DOT1L: variants seen among roughly 807,000 people sequenced by gnomAD.
DOT1L encodes histone-lysine N-methyltransferase, H3 lysine-79 specific.
DOT1L carries 33 observed loss-of-function variants against 153.3 expected under a neutral mutation model. The ratio of observed to expected loss-of-function variants is 0.22; its 90% confidence interval spans 0.16 to 0.29. The LOEUF is 0.29. DOT1L is among the 10% of genes least tolerant of loss of function. The pLI, the probability that DOT1L is intolerant of heterozygous loss-of-function variation, is 1.00. For missense variants in DOT1L, 1,847 were observed against 2,119.9 expected (o/e 0.87, Z 2.53); for synonymous variants, 1,135 against 965.1 (o/e 1.18, Z -3.26).
At chr19:2,209,093 C>T (rs1313977769) in intron 12 of DOT1L, 117 bp downstream of exon 12, 1 of 1,200,034 alleles carries the variant, frequency 8.3e-7, no homozygotes, top group East Asian at 2.6e-5. Flanking sequence ...CCTGCCGCCC[C>T]TCGGGGCCCG....
At chr19:2,216,082 T>C (rs2023885989) in intron 19 of DOT1L, 199 bp from the exon 20 acceptor site, 2 of 641,226 alleles carry the variant, frequency 3.1e-6, no homozygotes, top group South Asian at 2.3e-5. Flanking sequence ...GCAAAAACCA[T>C]CCTCGGCCCT....
chr19:2,211,199 G>A lies in DOT1L; in HGVS notation c.1452G>A (p.Leu484=), dbSNP rs748466017. 1.2e-6 allele frequency: 2 copies of A among 1,609,432 alleles called. No individual in the cohort carries two copies. Among genetic ancestry groups the A allele is most frequent in the East Asian group, 2.2e-5 (1 of 44,834 alleles). ...TGGTGGCGCCCACCCCGCCCGCGCTGCAGAAGCTTCTAGGTGAGCCCGTGT... is the reference window on the plus strand; with the variant it reads ...TGGTGGCGCCCACCCCGCCCGCGCTACAGAAGCTTCTAGGTGAGCCCGTGT... ...PLLVAPTPPA[L]QKLLESFKIQ... is the part of the protein sequence containing the mutation. The change falls in exon 15 of 28, where the codon CTG becomes CTA. Residue 484 remains leucine (L), a synonymous_variant. Coordinates refer to ENST00000398665, the MANE Select transcript of DOT1L (RefSeq NM_032482.3).
chr19:2,167,647 C>T (rs766228009), intron 1 of DOT1L, among the ~76,000 whole-genome samples: 1 of 152,210 alleles, frequency 6.6e-6, no homozygotes, highest in African/African-American at 2.4e-5. Flanking sequence ...ACAACCTCGC[C>T]GTGACATTTG....
intron 19 of DOT1L, 158 bp downstream of exon 19, chr19:2,214,754 C>T (rs1290438925): frequency 3.5e-6 from 4 of 1,128,788 alleles, no homozygotes; most frequent in Non-Finnish European, 4.8e-6. Context: ...CTGTCTTGGG[C>T]CGCAGGCTGC....
In DOT1L at chr19:2,179,075, G is replaced by T. The variant is rs997841216; in HGVS notation, c.82-1638G>T. Among the ~76,000 whole-genome samples the T allele has an allele frequency of 9.9e-5, 15 of 151,318 alleles. 1 individual carries two copies. The highest frequency in any genetic ancestry group is 1.8e-4 in the Non-Finnish European group (12 of 67,694). On this transcript the variant is annotated intron_variant, in intron 1 of 27. Coordinates refer to ENST00000398665, the MANE Select transcript of DOT1L (RefSeq NM_032482.3). ...ATCCCTCAGTGCATAAGGAAAGCTG[G>T]GGGGGGGTCTCCTATGGTCTGGCCT...
At chr19:2,229,346 C>T (rs2024502219) in intron 27 of DOT1L, 1 of 985,468 alleles carries the variant, frequency 1.0e-6, no homozygotes, top group African/African-American at 1.7e-5. Context: ...GCCCCTGGGA[C>T]ACAGGCCTTC....
chr19:2,166,137 C>T (rs1480724420), intron 1 of DOT1L, among the ~76,000 whole-genome samples: 7 of 151,724 alleles, frequency 4.6e-5, no homozygotes, highest in Non-Finnish European at 8.8e-5. Flanking sequence ...GCTCTTGTTG[C>T]CCAGGCTGGA....
chr19:2,222,035 C>G lies in DOT1L; in HGVS notation c.2866C>G (p.Leu956Val). 6.2e-7 allele frequency: 1 copy of G among 1,612,846 alleles called. No individual in the cohort carries two copies. The highest frequency in any genetic ancestry group is 8.5e-7 in the Non-Finnish European group (1 of 1,179,796). The change falls in exon 24 of 28, where the codon CTC becomes GTC. Residue 956 changes from leucine to valine, a missense_variant. Around this residue, in one of 8 missense-constraint regions of DOT1L, gnomAD observed 934 missense variants for 825.3 expected, o/e 1.13. Transcript: ENST00000398665. This position sits in a 1 kb window ranked among gnomAD's most constrained non-coding sequence, Gnocchi z 6.5. ...SGALAGSPAS[L>V]TPGAEPATLD... The stretch of plus-strand genomic sequence containing the variant: ...GGCCTTGGCGGGCAGCCCGGCCTCT[C>G]TCACACCTGGAGCCGAGCCGGCCAC...
In DOT1L at chr19:2,214,434, C is replaced by G. The variant is rs764824312; in HGVS notation, c.1798-37C>G. 1.9e-6 allele frequency: 3 copies of G among 1,603,966 alleles called. No homozygotes were observed. The South Asian group carries it at 3.3e-5, about 18-fold the overall frequency. Reference sequence around the variant, plus strand: ...AGTGTGGGGTGTGCTGGGCAGGCAGCCAGCCAGTCGCAACTGTCCCATCCC... The same window carrying G: ...AGTGTGGGGTGTGCTGGGCAGGCAGGCAGCCAGTCGCAACTGTCCCATCCC... On this transcript the variant is annotated intron_variant, in intron 18 of 27. Transcript: ENST00000398665.
At chr19:2,186,470 A>T (rs1599553471) in intron 3 of DOT1L, among the ~76,000 whole-genome samples, 1 of 149,818 alleles carries the variant, frequency 6.7e-6, no homozygotes, top group Non-Finnish European at 1.5e-5. Context: ...CAAGGAAGAC[A>T]TTCCAGGCTC....
At chr19:2,175,430 T>C (rs1325746457) in intron 1 of DOT1L, among the ~76,000 whole-genome samples, 1 of 152,250 alleles carries the variant, frequency 6.6e-6, no homozygotes, top group African/African-American at 2.4e-5. Flanking sequence ...CCTCCTAAGT[T>C]GCTGGGACCC....
intron 9 of DOT1L, among the ~76,000 whole-genome samples, chr19:2,205,679 C>T (rs1339276562): frequency 6.6e-6 from 1 of 152,038 alleles, no homozygotes; most frequent in Non-Finnish European, 1.5e-5. Flanking sequence ...CTTCCTGCCT[C>T]TCAAACCTTA....
At chr19:2,223,616 AG>A (rs1431504344) in intron 25 of DOT1L, 130 bp downstream of exon 25, 1 of 1,102,754 alleles carries the variant, frequency 9.1e-7, no homozygotes, top group East Asian at 2.6e-5. Context: ...GATGGGAGGA[AG>A]GCGTCTGTTT....
In DOT1L at chr19:2,191,270, G is replaced by A. The variant is rs2022781236; in HGVS notation, c.493+30G>A. Reference sequence around the variant, plus strand: ...GTGTCGCCCGCCATGCCCGGCTCCTGTGCACTTCCAGGCCACACGCTCTGT... The same window carrying A: ...GTGTCGCCCGCCATGCCCGGCTCCTATGCACTTCCAGGCCACACGCTCTGT... On this transcript the variant is annotated intron_variant, in intron 5 of 27. Transcript: ENST00000398665. This position sits in a 1 kb window ranked among gnomAD's most constrained non-coding sequence, Gnocchi z 6.8. 6.2e-7 allele frequency: 1 copy of A among 1,608,198 alleles called. No homozygotes were observed. Among genetic ancestry groups the A allele is most frequent in the Non-Finnish European group, 8.5e-7 (1 of 1,175,664 alleles).
At position 2,193,506 on chromosome 19, in the gene DOT1L, C is replaced by T. The variant is rs1360518764; in HGVS notation, c.494-183C>T. On this transcript the variant is annotated intron_variant, in intron 5 of 27. Coordinates refer to ENST00000398665, the MANE Select transcript of DOT1L (RefSeq NM_032482.3). The surrounding 1 kb of genome is among the most constrained non-coding windows in gnomAD (Gnocchi z 5.9). ...GACCGTCCCCTCGTGGGGGCTCTGT[C>T]AGGGGCCTGGTCTCTGGGAAGGATC... is the stretch of plus-strand genomic sequence containing the variant. Among the ~76,000 whole-genome samples the T allele has an allele frequency of 6.6e-6, 1 of 152,178 alleles. No homozygotes were observed. The highest frequency in any genetic ancestry group is 1.5e-5 in the Non-Finnish European group (1 of 68,032).
Position 2,175,485 on chromosome 19 carries a change from A to G in DOT1L, c.82-5228A>G, listed in dbSNP as rs369269191. Among the ~76,000 whole-genome samples, 10 of 152,270 alleles carry G rather than the reference A, an allele frequency of 6.6e-5. No homozygotes were observed. In the East Asian group the frequency reaches 9.6e-4, roughly 15 times the overall value. On this transcript the variant is annotated intron_variant, in intron 1 of 27. Transcript: ENST00000398665. Reference sequence around the variant, plus strand: ...CTGGCCAAGGAGATAAATTTTCATAACTTATTTAACCAAGTATAACTGGAA... The same window carrying G: ...CTGGCCAAGGAGATAAATTTTCATAGCTTATTTAACCAAGTATAACTGGAA...
chr19:2,185,287 A>G (rs866352993), intron 2 of DOT1L, among the ~76,000 whole-genome samples: 1 of 152,180 alleles, frequency 6.6e-6, no homozygotes, highest in Non-Finnish European at 1.5e-5. Flanking sequence ...CCTGTAGCAG[A>G]TAAGTTCACT....
At position 2,231,875 on chromosome 19, in the gene DOT1L, T is replaced by G. The variant is rs901350397; in HGVS notation, c.*2083T>G. The G allele has an allele frequency of 2.3e-5, 5 of 219,870 alleles. No homozygotes were observed. In the Admixed American group the frequency reaches 2.9e-4, roughly 13 times the overall value. 13.6% of individuals were successfully genotyped at this position (219,870 alleles called of 1,614,324 possible). ...TCCTGCCCACGCAGGCCACCGTATG[T>G]TCAGGACACGCACTGGGTCTCAGAG... On this transcript the variant is annotated 3_prime_UTR_variant, in exon 28 of 28. Transcript: ENST00000398665.
intron 15 of DOT1L, 119 bp from the exon 16 acceptor site, chr19:2,211,632 T>G: frequency 2.4e-6 from 2 of 844,870 alleles, no homozygotes; most frequent in Non-Finnish European, 1.8e-6. Context: ...GCTGAGCTCC[T>G]GCCTCATGAG....
Sources: allele counts gnomAD v4.1 joint callset (sites outside exome capture counted in the v4.1 genomes callset), GRCh38; gene constraint gnomAD v4.1.1; regional missense constraint gnomAD v4.1.1; non-coding constraint Gnocchi (gnomAD v3.1); transcripts MANE v1.5; gene names NCBI Gene and HGNC (gene_info 2026-07-23, HGNC 2026-07-21).